The following NDRG4 variants were observed in gnomAD, a reference collection of about 807,000 sequenced individuals.
NDRG4 encodes NDRG family member 4.
Under a neutral mutation model 55.8 loss-of-function variants are expected in NDRG4, and 38 were observed. The ratio of observed to expected loss-of-function variants is 0.68; its 90% CI spans 0.53 to 0.89. The LOEUF (loss-of-function observed/expected upper bound fraction) is 0.89, where lower values mean the gene tolerates loss of function less well. NDRG4 is among the 40% of genes least tolerant of loss of function. NDRG4 has a pLI of 0.00. For missense variants in NDRG4, 455 were observed against 468.6 expected (o/e 0.97, Z 0.27); for synonymous variants, 190 against 182.7 (o/e 1.04, Z -0.32).
At chr16:58,484,774 C>T (rs916869689) in intron 1 of NDRG4, among the ~76,000 whole-genome samples, 1 of 152,120 alleles carries the variant, frequency 6.6e-6, no homozygotes, top group South Asian at 2.1e-4. Flanking sequence ...CTGGCGTTCG[C>T]CCACCTCTGT....
chr16:58,473,117 C>T (rs920428151), intron 1 of NDRG4, among the ~76,000 whole-genome samples: 23 of 152,116 alleles, frequency 1.5e-4, no homozygotes, highest in Non-Finnish European at 1.6e-4. Context: ...TATGTATTAT[C>T]CTTCCCTCTG....
chr16:58,506,590 G>T lies in NDRG4; in HGVS notation c.492G>T (p.Thr164=). The T allele has an allele frequency of 1.3e-6, 2 of 1,570,494 alleles. No homozygotes were observed. The highest frequency in any genetic ancestry group is 1.4e-5 in the African/African-American group (1 of 73,318). ...LSGLTSTLPD[T]VLSHLFSQEE... ...GCCTAACTAGCACTTTACCCGACAC[G>T]GTGCTCTCCCACCTCTTCAGCCAGG... The change falls in exon 7 of 15, where the codon ACG becomes ACT. Residue 164 remains threonine (T), a synonymous_variant. Coordinates refer to ENST00000570248, the MANE Select transcript of NDRG4 (RefSeq NM_001242835.2).
chr16:58,507,422 C>G (rs2038185147), intron 8 of NDRG4: 1 of 356,848 alleles, frequency 2.8e-6, no homozygotes, highest in South Asian at 5.9e-5. Flanking sequence ...GGTGGCCAGG[C>G]CCCCTCACTC....
Position 58,507,796 on chromosome 16 carries a change from CCT to C in NDRG4, c.621-11_621-10del. ...GCCCACCTCTGCCTCTGCCCCTCCC[CCT>C]GCCCCACAGCCGCAGAGACCTGGAC... On this transcript the variant is annotated splice_polypyrimidine_tract_variant and intron_variant, in intron 8 of 14. Transcript: ENST00000570248. The C allele has an allele frequency of 6.2e-7, 1 of 1,612,998 alleles. No individual in the cohort carries two copies. Among genetic ancestry groups the C allele is most frequent in the South Asian group, 1.1e-5 (1 of 91,050 alleles).
In NDRG4 at chr16:58,504,290, C is replaced by A. The variant is rs1434300855; in HGVS notation, c.248+16C>A. The A allele has an allele frequency of 3.1e-6, 5 of 1,613,888 alleles. No homozygotes were observed. Among genetic ancestry groups the A allele is most frequent in the African/African-American group, 1.3e-5 (1 of 74,908 alleles). On this transcript the variant is annotated intron_variant, in intron 3 of 14. Coordinates refer to ENST00000570248, the MANE Select transcript of NDRG4 (RefSeq NM_001242835.2). ...TTCCTCAGGGGTAGGTACCCTGAGC[C>A]CCCTCTGCCTGTCTCCAGCTCTGCA... is the stretch of plus-strand genomic sequence containing the variant.
intron 14 of NDRG4, 99 bp from the exon 15 acceptor site, chr16:58,511,323 G>T: frequency 7.3e-7 from 1 of 1,377,568 alleles, no homozygotes; most frequent in Non-Finnish European, 9.8e-7. Flanking sequence ...TGCCTTCGAG[G>T]AACGGTTCGC....
upstream of NDRG4, chr16:58,496,971 T>G (rs1286822344): frequency 1.3e-5 from 2 of 152,204 alleles, no homozygotes; most frequent in African/African-American, 2.4e-5. Context: ...GCACGACCCC[T>G]GTACAAGAAT....
In NDRG4 at chr16:58,504,394, T is replaced by C; in HGVS notation, c.284T>C (p.Met95Thr). ...QFPSMEQLAA[M>T]LPSVVQHFGF... ...CCCTCCATGGAGCAGCTGGCTGCCA[T>C]GCTCCCCAGCGTGGTGCAGCATTTC... is the stretch of plus-strand genomic sequence containing the variant. Residue 95 changes from methionine to threonine, a missense_variant, in exon 4 of 15, where the codon ATG (methionine) becomes ACG (threonine). Transcript: ENST00000570248. 6.2e-7 allele frequency: 1 copy of C among 1,612,904 alleles called. No individual in the cohort carries two copies. Among genetic ancestry groups the C allele is most frequent in the Admixed American group, 1.7e-5 (1 of 60,032 alleles).
chr16:58,487,521 A>T (rs888448261), intron 1 of NDRG4, among the ~76,000 whole-genome samples: 2 of 152,034 alleles, frequency 1.3e-5, no homozygotes, highest in Non-Finnish European at 2.9e-5. Flanking sequence ...CTCCGTGTAA[A>T]AAAAAAAAAA....
chr16:58,515,300 G>C (rs1646010), downstream of NDRG4, among the ~76,000 whole-genome samples: 37,684 of 152,216 alleles, frequency 0.25, 5,089 homozygotes, highest in East Asian at 0.38. Flanking sequence ...ACCTGGCTCA[G>C]AACCAGGCGC....
In NDRG4 at chr16:58,504,291, C is replaced by T. The variant is rs772113772; in HGVS notation, c.248+17C>T. 5.0e-6 allele frequency: 8 copies of T among 1,614,050 alleles called. No individual in the cohort carries two copies. Among genetic ancestry groups the T allele is most frequent in the South Asian group, 4.4e-5 (4 of 91,084 alleles). ...TCCTCAGGGGTAGGTACCCTGAGCC[C>T]CCTCTGCCTGTCTCCAGCTCTGCAC... On this transcript the variant is annotated intron_variant, in intron 3 of 14. Coordinates refer to ENST00000570248, the MANE Select transcript of NDRG4 (RefSeq NM_001242835.2).
intron 1 of NDRG4, among the ~76,000 whole-genome samples, chr16:58,481,008 T>TAAA (rs75802479): frequency 1.1e-4 from 14 of 132,156 alleles, no homozygotes; most frequent in African/African-American, 3.6e-4. Context: ...GACTCTGTCT[T>TAAA]AAAAAAAAAA....
Position 58,509,141 on chromosome 16 carries a change from C to T in NDRG4, c.778-13C>T, listed in dbSNP as rs772451601. ...AGGGCCCTGCTCAGGTCACCCCACTCTCTCCCTTGCAGATGGCAGACTCTG... is the reference window on the plus strand; with the variant it reads ...AGGGCCCTGCTCAGGTCACCCCACTTTCTCCCTTGCAGATGGCAGACTCTG... On this transcript the variant is annotated splice_polypyrimidine_tract_variant and intron_variant, in intron 11 of 14. Coordinates refer to ENST00000570248, the MANE Select transcript of NDRG4 (RefSeq NM_001242835.2). The T allele has an allele frequency of 1.1e-5, 18 of 1,613,908 alleles. No individual in the cohort carries two copies. Among genetic ancestry groups the T allele is most frequent in the Middle Eastern group, 3.3e-4 (2 of 6,084 alleles).
intron 1 of NDRG4, among the ~76,000 whole-genome samples, chr16:58,483,393 GA>G (rs1168535291): frequency 6.6e-6 from 1 of 152,036 alleles, no homozygotes; most frequent in Non-Finnish European, 1.5e-5. Flanking sequence ...AGGAGAAAAG[GA>G]GAAAAAACAC....
chr16:58,512,624 A>C lies in NDRG4; in HGVS notation c.*1048A>C. The C allele has an allele frequency of 6.3e-6, 1 of 157,602 alleles. No homozygotes were observed. Among genetic ancestry groups the C allele is most frequent in the Non-Finnish European group, 1.4e-5 (1 of 71,148 alleles). The allele number at this position is 157,602 out of a possible 1,614,324, so 9.8% of individuals were successfully genotyped here. A position where few individuals can be genotyped will look rare whatever the true frequency, so the allele number is the denominator to read the frequency against. On this transcript the variant is annotated 3_prime_UTR_variant, in exon 15 of 15. Transcript: ENST00000570248. The stretch of plus-strand genomic sequence containing the variant: ...GGCAGCGAGGCTTCTACAGTCCCAC[A>C]CCCCATAGCCGCCTGGGCTGGGGCT...
chr16:58,483,855 A>C (rs2034756856), intron 1 of NDRG4, among the ~76,000 whole-genome samples: 1 of 152,222 alleles, frequency 6.6e-6, no homozygotes, highest in South Asian at 2.1e-4. Flanking sequence ...GCTTGAGCCC[A>C]GGAGTTTGCG....
chr16:58,476,035 G>T (rs894263565), intron 1 of NDRG4, among the ~76,000 whole-genome samples: 2 of 152,120 alleles, frequency 1.3e-5, no homozygotes, highest in Admixed American at 1.3e-4. Flanking sequence ...GACCTCAAGT[G>T]ATCCACCTGC....
At chr16:58,497,970 C>T (rs1420736736), upstream of NDRG4, among the ~76,000 whole-genome samples, 2 of 152,088 alleles carry the variant, frequency 1.3e-5, no homozygotes, top group Non-Finnish European at 2.9e-5. Flanking sequence ...AAAAAAAAAT[C>T]TTGCCCAAGG....
At chr16:58,469,819 C>A (rs149153657) in intron 1 of NDRG4, among the ~76,000 whole-genome samples, 1 of 152,278 alleles carries the variant, frequency 6.6e-6, no homozygotes, top group East Asian at 1.9e-4. Context: ...ATCATAACAG[C>A]CCTAGGAGGT....
Sources: allele counts gnomAD v4.1 joint callset (sites outside exome capture counted in the v4.1 genomes callset), GRCh38; gene constraint gnomAD v4.1.1; transcripts MANE v1.5; gene names NCBI Gene and HGNC (gene_info 2026-07-23, HGNC 2026-07-21).